The following RANBP9 variants were observed in gnomAD, a reference collection of about 807,000 sequenced individuals.
RANBP9 encodes the protein RAN binding protein 9, also known as ran-binding protein 9.
Under a neutral mutation model 84.3 loss-of-function variants are expected in RANBP9, and 15 were observed. The observed-to-expected ratio is 0.18, with a 90% CI of 0.12 to 0.27. The LOEUF is 0.27. Ranked by LOEUF, RANBP9 falls within the 10% of genes least tolerant of loss-of-function variation. The pLI is 1.00. For synonymous variants in RANBP9, 392 were observed against 349.6 expected, an observed-to-expected ratio of 1.12 and a Z score of -1.35; for missense variants, 809 against 912.8, an observed-to-expected ratio of 0.89 and a Z score of 1.46.
At chr6:13,710,474 C>T (rs948927261) in intron 1 of RANBP9, among the ~76,000 whole-genome samples, 2 of 152,140 alleles carry the variant, frequency 1.3e-5, no homozygotes, top group Non-Finnish European at 2.9e-5. Context: ...TGTATCCCTG[C>T]TCTCTCTTAA....
chr6:13,656,309 T>G (rs1053227751), intron 4 of RANBP9, among the ~76,000 whole-genome samples: 5 of 152,132 alleles, frequency 3.3e-5, no homozygotes, highest in Non-Finnish European at 7.4e-5. Context: ...TAATTTGCTT[T>G]GAGTCAAAGA....
intron 2 of RANBP9, among the ~76,000 whole-genome samples, chr6:13,686,706 G>A (rs1205006135): frequency 2.0e-5 from 3 of 152,166 alleles, no homozygotes; most frequent in African/African-American, 7.2e-5. Flanking sequence ...GCCTGGCCTT[G>A]AATTATCAAA....
At position 13,696,582 on chromosome 6, in the gene RANBP9, G is replaced by C. The variant is rs1757837076; in HGVS notation, c.683+203C>G. Among the ~76,000 whole-genome samples the C allele has an allele frequency of 1.3e-5, 2 of 152,100 alleles. 1 individual carries two copies. The highest frequency in any genetic ancestry group is 4.1e-4 in the South Asian group (2 of 4,824). On this transcript the variant is annotated intron_variant, in intron 2 of 13. Coordinates refer to ENST00000011619, the MANE Select transcript of RANBP9 (RefSeq NM_005493.3). ...TTTTAATAATAAACCTACCAGAAAA[G>C]CTTAGTTAATATCACCAACTCAAGC...
Position 13,682,060 on chromosome 6 carries a change from C to T in RANBP9, c.683+14725G>A, listed in dbSNP as rs148879934. Among the ~76,000 whole-genome samples the T allele has an allele frequency of 4.3e-3, 658 of 152,128 alleles. 4 individuals carry two copies. The highest frequency in any genetic ancestry group is 0.015 in the African/African-American group (629 of 41,500). ...TATTTTTAGTAGAGATGGGGTTTCG[C>T]CACATTGGCCAGGCTGGTCTCGAAC... On this transcript the variant is annotated intron_variant, in intron 2 of 13. Transcript: ENST00000011619.
In RANBP9 at chr6:13,642,556, C is replaced by G; in HGVS notation, c.1148G>C (p.Cys383Ser). Residue 383 changes from cysteine (C) to serine (S), a missense_variant, in exon 7 of 14, where the codon TGT becomes TCT. This residue lies in a region of RANBP9 where 216 missense variants were observed against 329.0 expected (regional missense o/e 0.66). Coordinates refer to ENST00000011619, the MANE Select transcript of RANBP9 (RefSeq NM_005493.3). ...VSSYLVHHGY[C>S]ATAEAFARST... ...TCTGGCAAAGGCCTCTGCTGTGGCA[C>G]AGTACCCATGGTGGACTAAATAAGA... The G allele has an allele frequency of 6.2e-7, 1 of 1,611,452 alleles. No individual in the cohort carries two copies. The highest frequency in any genetic ancestry group is 8.5e-7 in the Non-Finnish European group (1 of 1,178,220).
chr6:13,626,483 A>T (rs1764608374), intron 12 of RANBP9, among the ~76,000 whole-genome samples: 1 of 152,232 alleles, frequency 6.6e-6, no homozygotes, highest in South Asian at 2.1e-4. Flanking sequence ...TTACTGCATA[A>T]TGGGGACTAT....
intron 12 of RANBP9, among the ~76,000 whole-genome samples, chr6:13,630,119 G>T (rs1764736848): frequency 6.6e-6 from 1 of 151,978 alleles, no homozygotes; most frequent in African/African-American, 2.4e-5. Context: ...TTGTTCTTTG[G>T]CTACTTATAT....
rs774239782 is a variant in RANBP9, at chr6:13,705,406, CAAAAAAAA to C, written c.571+5521_571+5528del. ...TGGGCGACAGAGCAAGATTCTGTCT[CAAAAAAAA>C]AAAAAAAAAAAAAAAAAAAAAGAAT... is the stretch of plus-strand genomic sequence containing the variant. On this transcript the variant is annotated intron_variant, in intron 1 of 13. Transcript: ENST00000011619. 5.9e-3 allele frequency among the ~76,000 whole-genome samples: 158 copies of C among 26,740 alleles called. 1 individual carries two copies. The highest frequency in any genetic ancestry group is 0.062 in the Middle Eastern group (1 of 16). The allele number at this position is 26,740 out of a possible 152,430, so 17.5% of individuals were successfully genotyped here.
At chr6:13,658,932 G>T in intron 2 of RANBP9, 100 bp from the exon 3 acceptor site, 2 of 1,183,294 alleles carry the variant, frequency 1.7e-6, no homozygotes, top group Non-Finnish European at 2.5e-6. Flanking sequence ...CCAAGCCCAA[G>T]TTGGAACTCC....
chr6:13,634,309 G>A, intron 11 of RANBP9, 122 bp downstream of exon 11: 1 of 1,231,206 alleles, frequency 8.1e-7, no homozygotes, highest in Admixed American at 2.3e-5. Flanking sequence ...TTACTGTCAA[G>A]TCCTACAGCA....
At chr6:13,702,384 A>C (rs1757996632) in intron 1 of RANBP9, among the ~76,000 whole-genome samples, 1 of 152,230 alleles carries the variant, frequency 6.6e-6, no homozygotes, top group South Asian at 2.1e-4. Context: ...CGGCCTGACA[A>C]AGCGAGACTC....
intron 12 of RANBP9, among the ~76,000 whole-genome samples, chr6:13,631,868 A>G (rs1764792103): frequency 6.6e-6 from 1 of 152,178 alleles, no homozygotes; most frequent in South Asian, 2.1e-4. Context: ...AATGTATTTT[A>G]ACTATTCTGG....
intron 2 of RANBP9, among the ~76,000 whole-genome samples, chr6:13,659,122 T>G (rs556537461): frequency 6.6e-6 from 1 of 152,114 alleles, no homozygotes; most frequent in South Asian, 2.1e-4. Flanking sequence ...GCCAACTTAT[T>G]TACAGATAAA....
intron 1 of RANBP9, among the ~76,000 whole-genome samples, chr6:13,704,711 T>C (rs1758056336): frequency 6.6e-6 from 1 of 152,150 alleles, no homozygotes; most frequent in Non-Finnish European, 1.5e-5. Flanking sequence ...CAACCCAAAA[T>C]TGCTTGTAAA....
intron 3 of RANBP9, among the ~76,000 whole-genome samples, chr6:13,657,952 T>A (rs906363180): frequency 6.6e-6 from 1 of 152,216 alleles, no homozygotes; most frequent in Admixed American, 6.5e-5. Context: ...TAGTTTGACA[T>A]TGACAGTTTT....
At chr6:13,690,019 T>C (rs1403377120) in intron 2 of RANBP9, among the ~76,000 whole-genome samples, 1 of 152,190 alleles carries the variant, frequency 6.6e-6, no homozygotes, top group Non-Finnish European at 1.5e-5. Context: ...CTATACCATC[T>C]AGGTTTACAT....
At chr6:13,657,564 T>C (rs1405613771) in intron 3 of RANBP9, among the ~76,000 whole-genome samples, 1 of 152,176 alleles carries the variant, frequency 6.6e-6, no homozygotes, top group Admixed American at 6.5e-5. Context: ...GAGGACACAT[T>C]TTCTGTGCAT....
intron 2 of RANBP9, among the ~76,000 whole-genome samples, chr6:13,688,569 A>G (rs1027878784): frequency 1.3e-5 from 2 of 152,084 alleles, no homozygotes; most frequent in Non-Finnish European, 2.9e-5. Context: ...TTTCTCAGCC[A>G]TGTTTACAGC....
chr6:13,639,795 A>G (rs566925003), intron 8 of RANBP9, 42 bp from the exon 9 acceptor site: 1 of 1,478,604 alleles, frequency 6.8e-7, no homozygotes, highest in South Asian at 1.2e-5. Context: ...CAATCTTCAA[A>G]TGGCCTTTTA....
Sources: allele counts gnomAD v4.1 joint callset (sites outside exome capture counted in the v4.1 genomes callset), GRCh38; gene constraint gnomAD v4.1.1; regional missense constraint gnomAD v4.1.1; transcripts MANE v1.5; gene names NCBI Gene and HGNC (gene_info 2026-07-23, HGNC 2026-07-21).